CAPRIN2: variants seen among roughly 807,000 people sequenced by gnomAD.
CAPRIN2 encodes the protein caprin family member 2, also known as caprin-2.
In CAPRIN2, 66 loss-of-function variants were observed where a neutral mutation model predicts 130.4. The ratio of observed to expected loss-of-function variants is 0.51; its 90% CI spans 0.42 to 0.62. The LOEUF (loss-of-function observed/expected upper bound fraction) is 0.62, where lower values mean the gene tolerates loss of function less well. CAPRIN2 is among the 20% of genes least tolerant of loss of function. The probability of loss-of-function intolerance (pLI) is 0.00; values close to 1 mark genes in which losing one functional copy is unlikely to be tolerated. For synonymous variants in CAPRIN2, 471 were observed against 444.1 expected, an observed-to-expected ratio of 1.06 and a Z score of -0.76; for missense variants, 1,185 against 1,246.6, an observed-to-expected ratio of 0.95 and a Z score of 0.74.
rs765023924 is a variant in CAPRIN2 at position 30,745,239 on chromosome 12, T to C, written c.484-4133A>G. Among the ~76,000 whole-genome samples the C allele has an allele frequency of 8.7e-4, 133 of 152,238 alleles. 4 individuals are homozygous for C. Among genetic ancestry groups the C allele is most frequent in the Non-Finnish European group, 6.6e-4 (45 of 68,048 alleles). On this transcript the variant is annotated intron_variant, in intron 2 of 16. Transcript: ENST00000298892. ...AAAGACATCAAGTTCCCTTTGCCTG[T>C]TGCTTGAGAATTCACTTGAATCTCA... is the stretch of plus-strand genomic sequence containing the variant.
chr12:30,711,797 G>C, intron 15 of CAPRIN2, 168 bp from the exon 18 acceptor site: 1 of 703,572 alleles, frequency 1.4e-6, no homozygotes, highest in Non-Finnish European at 2.6e-6. Flanking sequence ...GAAAAACAAA[G>C]CAAGGGCAAC....
chr12:30,722,588 C>A (rs1046929411), intron 11 of CAPRIN2, among the ~76,000 whole-genome samples: 1 of 152,104 alleles, frequency 6.6e-6, no homozygotes. Flanking sequence ...CCCCAATATA[C>A]CCTGCTCAAC....
At chr12:30,743,232 C>G (rs888144235) in intron 2 of CAPRIN2, among the ~76,000 whole-genome samples, 3 of 151,062 alleles carry the variant, frequency 2.0e-5, no homozygotes, top group South Asian at 4.2e-4. Context: ...GAGCTGCTCC[C>G]TCTCTATTGA....
chr12:30,711,236 T>C (rs1258271103), intron 16 of CAPRIN2, among the ~76,000 whole-genome samples: 1 of 152,220 alleles, frequency 6.6e-6, no homozygotes, highest in Non-Finnish European at 1.5e-5. Context: ...CAGTAAGAAG[T>C]ACCCATTATT....
At chr12:30,741,089 A>G (rs148994222) in exon 3 of CAPRIN2, 650 of 1,607,558 alleles carry the variant, frequency 4.0e-4, no homozygotes, top group Non-Finnish European at 5.1e-4. Flanking sequence ...GCACTTCTTC[A>G]TATTTCTCTA....
exon 11 of CAPRIN2, chr12:30,723,293 G>C: frequency 6.2e-7 from 1 of 1,612,106 alleles, no homozygotes; most frequent in Non-Finnish European, 8.5e-7. Flanking sequence ...ACTTTGACTG[G>C]ACAGATTTTG....
At position 30,710,639 on chromosome 12, in the gene CAPRIN2, T is replaced by A. The variant is rs1392098916; in HGVS notation, c.2666-169A>T. ...TTTTCTAGATTTTTCTGGTAATAGG[T>A]TTTTACATACTCTTCTAAAGCCAGA... On this transcript the variant is annotated intron_variant, in intron 16 of 16. Transcript: ENST00000298892. This position sits in a 1 kb window ranked among gnomAD's most constrained non-coding sequence, Gnocchi z 4.8. 1.0e-6 allele frequency: 1 copy of A among 983,742 alleles called. No homozygotes were observed. The highest frequency in any genetic ancestry group is 1.6e-5 in the African/African-American group (1 of 60,912). 60.9% of individuals were successfully genotyped at this position (983,742 alleles called of 1,614,324 possible). A position where few individuals can be genotyped will look rare whatever the true frequency, so the allele number is the denominator to read the frequency against.
chr12:30,736,445 C>A (rs1407097770), intron 3 of CAPRIN2, among the ~76,000 whole-genome samples: 1 of 148,832 alleles, frequency 6.7e-6, no homozygotes, highest in African/African-American at 2.5e-5. Context: ...GGTCAAAGTA[C>A]TTTGATATAG....
At chr12:30,731,578 T>C in intron 5 of CAPRIN2, 68 bp from the exon 7 acceptor site, 1 of 1,277,056 alleles carries the variant, frequency 7.8e-7, no homozygotes, top group Non-Finnish European at 1.1e-6. Context: ...ATAGAAATCC[T>C]AATTTTATCC....
intron 2 of CAPRIN2, among the ~76,000 whole-genome samples, chr12:30,746,303 G>T (rs1423268976): frequency 6.6e-6 from 1 of 152,158 alleles, no homozygotes; most frequent in Non-Finnish European, 1.5e-5. Flanking sequence ...AGGCTAAGAG[G>T]ATCACTTGAG....
chr12:30,745,903 C>T lies in CAPRIN2; in HGVS notation c.484-4797G>A, dbSNP rs147719731. On this transcript the variant is annotated intron_variant, in intron 2 of 16. Coordinates refer to ENST00000298892, the Ensembl canonical transcript of CAPRIN2. ...TTATTAAAAACTACTTGGCCCTAAT[C>T]TATGCAAATAAATTTTAAAAACTGA... 3.3e-3 allele frequency among the ~76,000 whole-genome samples: 505 copies of T among 152,198 alleles called. 8 individuals carry two copies. The highest frequency in any genetic ancestry group is 0.011 in the African/African-American group (458 of 41,552).
Position 30,725,963 on chromosome 12 carries a change from T to C in CAPRIN2, c.1905+3A>G, listed in dbSNP as rs867497519. The C allele has an allele frequency of 2.5e-6, 4 of 1,576,530 alleles. No individual in the cohort carries two copies. The highest frequency in any genetic ancestry group is 1.7e-4 in the Middle Eastern group (1 of 5,876). On this transcript the variant is annotated splice_donor_region_variant and intron_variant, in intron 9 of 16. Transcript: ENST00000298892. ...CATTTAAGATTTTGTAAATGACTCATACTTGCATAAAGTTACAAGTTCCTT... is the reference window on the plus strand; with the variant it reads ...CATTTAAGATTTTGTAAATGACTCACACTTGCATAAAGTTACAAGTTCCTT...
intron 2 of CAPRIN2, among the ~76,000 whole-genome samples, chr12:30,747,386 A>C (rs746455381): frequency 3.3e-5 from 5 of 152,130 alleles, no homozygotes; most frequent in Non-Finnish European, 5.9e-5. Flanking sequence ...TCTTCTTAAG[A>C]AATACATTTG....
intron 13 of CAPRIN2, chr12:30,716,274 T>C (rs2136637021): frequency 2.4e-6 from 1 of 424,578 alleles, no homozygotes; most frequent in Non-Finnish European, 4.2e-6. Flanking sequence ...ACAAACCTAC[T>C]TCAAGGTTAA....
intron 3 of CAPRIN2, among the ~76,000 whole-genome samples, chr12:30,738,306 G>GA (rs960973682): frequency 0.06 from 8,105 of 134,098 alleles, 291 homozygotes; most frequent in African/African-American, 0.12. Flanking sequence ...CAGCAGCAAA[G>GA]AAAAAAAAAA....
In CAPRIN2 at chr12:30,715,145, C is replaced by CT. The variant is rs1176402435; in HGVS notation, c.2318-5dup. ...GTTCCATCAGGATGATAATTTGCTG[C>CT]TTAAGAAAAACGATTTTAGGGTCCA... On this transcript the variant is annotated splice_region_variant and splice_polypyrimidine_tract_variant and intron_variant, in intron 13 of 16. Coordinates refer to ENST00000298892, the Ensembl canonical transcript of CAPRIN2. 3 of 1,612,904 alleles carry CT rather than the reference C, an allele frequency of 1.9e-6. No homozygotes were observed. In the African/African-American group the frequency reaches 4.0e-5, roughly 22 times the overall value.
chr12:30,730,186 C>T (rs1380870976), intron 7 of CAPRIN2, 53 bp downstream of exon 8: 1 of 1,421,452 alleles, frequency 7.0e-7, no homozygotes, highest in African/African-American at 1.4e-5. Context: ...AACCATAACC[C>T]TATGCAAAAG....
intron 2 of CAPRIN2, among the ~76,000 whole-genome samples, chr12:30,746,355 T>C (rs765073395): frequency 1.3e-5 from 2 of 152,134 alleles, no homozygotes; most frequent in Non-Finnish European, 2.9e-5. Context: ...TATTGTGCTA[T>C]TGCACTCCAG....
chr12:30,747,539 T>C (rs2071239079), intron 2 of CAPRIN2, among the ~76,000 whole-genome samples: 1 of 152,088 alleles, frequency 6.6e-6, no homozygotes. Context: ...TAGCCAGGCA[T>C]GCTGGCACAT....
Sources: allele counts gnomAD v4.1 joint callset (sites outside exome capture counted in the v4.1 genomes callset), GRCh38; gene constraint gnomAD v4.1.1; non-coding constraint Gnocchi (gnomAD v3.1); transcripts MANE v1.5; gene names NCBI Gene and HGNC (gene_info 2026-07-23, HGNC 2026-07-21).